The following MLLT3 variants were observed in gnomAD, a reference collection of about 807,000 sequenced individuals.
MLLT3 encodes the protein MLLT3 super elongation complex subunit.
Under a neutral mutation model 53.2 loss-of-function variants are expected in MLLT3, and 4 were observed. The ratio of observed to expected loss-of-function variants is 0.08; its 90% CI spans 0.04 to 0.17. The LOEUF (loss-of-function observed/expected upper bound fraction) is 0.17. MLLT3 is among the 10% of genes least tolerant of loss of function. The probability of loss-of-function intolerance (pLI) is 1.00; values close to 1 mark genes in which losing one functional copy is unlikely to be tolerated. For missense variants in MLLT3, 569 were observed against 684.0 expected, an observed-to-expected ratio of 0.83 and a Z score of 1.87; for synonymous variants, 283 against 230.6, an observed-to-expected ratio of 1.23 and a Z score of -2.06.
Position 20,342,771 on chromosome 9 carries a change from T to C in MLLT3, c.*3672A>G, listed in dbSNP as rs997853214. 1 of 191,192 alleles carries C rather than the reference T, an allele frequency of 5.2e-6. No homozygotes were observed. The allele number at this position is 191,192 out of a possible 1,614,324, so 11.8% of individuals were successfully genotyped here. A position where few individuals can be genotyped will look rare whatever the true frequency, so the allele number is the denominator to read the frequency against. On this transcript the variant is annotated 3_prime_UTR_variant, in exon 11 of 11. Transcript: ENST00000380338. ...CATTCACTGCAGCTGTAGTAGTCTC[T>C]ACATCATATTCATAGTTTTAGAGCA...
chr9:20,464,526 C>T (rs1824188379), intron 2 of MLLT3, among the ~76,000 whole-genome samples: 1 of 151,962 alleles, frequency 6.6e-6, no homozygotes, highest in African/African-American at 2.4e-5. Context: ...ACAAGTGCTA[C>T]ATAAAAATAA....
chr9:20,433,143 G>A (rs1011519685), intron 4 of MLLT3, among the ~76,000 whole-genome samples: 1 of 151,992 alleles, frequency 6.6e-6, no homozygotes, highest in African/African-American at 2.4e-5. Flanking sequence ...AGAGACACCC[G>A]TACAGGGGCT....
At chr9:20,498,619 T>C (rs938537133) in intron 2 of MLLT3, among the ~76,000 whole-genome samples, 5 of 152,156 alleles carry the variant, frequency 3.3e-5, no homozygotes, top group Non-Finnish European at 7.4e-5. Context: ...TAAAACATTA[T>C]GAGATTTTTT....
chr9:20,596,925 G>A (rs1240910776), intron 2 of MLLT3, among the ~76,000 whole-genome samples: 1 of 151,934 alleles, frequency 6.6e-6, no homozygotes, highest in African/African-American at 2.4e-5. Context: ...CCATGAACAT[G>A]GAATATTTTT....
intron 4 of MLLT3, among the ~76,000 whole-genome samples, chr9:20,447,829 A>C (rs1823742079): frequency 6.6e-6 from 1 of 152,154 alleles, no homozygotes; most frequent in African/African-American, 2.4e-5. Context: ...TTCTTAAATG[A>C]GAGTTTATTG....
At chr9:20,546,165 C>T (rs1023412719) in intron 2 of MLLT3, among the ~76,000 whole-genome samples, 7 of 152,074 alleles carry the variant, frequency 4.6e-5, no homozygotes, top group East Asian at 1.9e-4. Context: ...CACACAGGAA[C>T]GTAGGAGTTT....
chr9:20,448,579 T>C lies in MLLT3; in HGVS notation c.277-313A>G, dbSNP rs1264713240. 6.6e-6 allele frequency among the ~76,000 whole-genome samples: 1 copy of C among 152,090 alleles called. No individual in the cohort carries two copies. The highest frequency in any genetic ancestry group is 2.4e-5 in the African/African-American group (1 of 41,440). ...TAGAAACCAAGCACATTCCTTCCTC[T>C]TCCCCACCCCAGTACACTCACCATC... On this transcript the variant is annotated intron_variant, in intron 3 of 10. Transcript: ENST00000380338. This position sits in a 1 kb window ranked among gnomAD's most constrained non-coding sequence, Gnocchi z 4.0.
rs564721368 is a variant in MLLT3 at position 20,597,681 on chromosome 9, G to A, written c.193+22973C>T. Among the ~76,000 whole-genome samples the A allele has an allele frequency of 5.9e-5, 9 of 152,182 alleles. No individual in the cohort carries two copies. The East Asian group carries it at 7.7e-4, about 13-fold the overall frequency. On this transcript the variant is annotated intron_variant, in intron 2 of 10. Transcript: ENST00000380338. ...ACCAATAAGATAAGAAAGTTTTAGC[G>A]TCTTGTAATTACTAGCTTTGTTTTT...
At chr9:20,370,212 T>G (rs1166918189) in intron 5 of MLLT3, among the ~76,000 whole-genome samples, 1 of 152,218 alleles carries the variant, frequency 6.6e-6, no homozygotes, top group Admixed American at 6.5e-5. Context: ...GCATCACATA[T>G]TGGAAATCCT....
intron 2 of MLLT3, among the ~76,000 whole-genome samples, chr9:20,517,069 A>C (rs1216269119): frequency 6.6e-6 from 1 of 152,170 alleles, no homozygotes; most frequent in Non-Finnish European, 1.5e-5. Flanking sequence ...TTCAATAAGC[A>C]TTGATTTACT....
intron 2 of MLLT3, among the ~76,000 whole-genome samples, chr9:20,534,819 G>A (rs931942834): frequency 1.3e-5 from 2 of 152,160 alleles, no homozygotes; most frequent in Admixed American, 1.3e-4. Flanking sequence ...CCAGGAGGCA[G>A]AGCTTGCAGT....
At chr9:20,536,314 G>C (rs1370222059) in intron 2 of MLLT3, among the ~76,000 whole-genome samples, 2 of 152,166 alleles carry the variant, frequency 1.3e-5, no homozygotes, top group Non-Finnish European at 2.9e-5. Flanking sequence ...GCTCATGCTT[G>C]TCCTTGGGAG....
At chr9:20,529,069 A>G (rs770471370) in intron 2 of MLLT3, among the ~76,000 whole-genome samples, 14 of 152,120 alleles carry the variant, frequency 9.2e-5, no homozygotes, top group African/African-American at 1.4e-4. Flanking sequence ...AGGGTTATCA[A>G]CTCTGACTGA....
intron 2 of MLLT3, among the ~76,000 whole-genome samples, chr9:20,560,631 T>C (rs971571903): frequency 4.6e-5 from 7 of 152,114 alleles, no homozygotes; most frequent in South Asian, 2.1e-4. Context: ...AGAAGCTGGG[T>C]GTGAAGGTCC....
At chr9:20,568,956 G>C (rs1004315420) in intron 2 of MLLT3, among the ~76,000 whole-genome samples, 2 of 151,912 alleles carry the variant, frequency 1.3e-5, no homozygotes, top group Admixed American at 6.6e-5. Flanking sequence ...AGATGTCTCA[G>C]AGAAAAAAAA....
At chr9:20,506,807 A>G (rs1825393286) in intron 2 of MLLT3, among the ~76,000 whole-genome samples, 1 of 152,242 alleles carries the variant, frequency 6.6e-6, no homozygotes, top group Non-Finnish European at 1.5e-5. Flanking sequence ...TAGTCAGCAT[A>G]TGGCAAGCAT....
intron 2 of MLLT3, among the ~76,000 whole-genome samples, chr9:20,480,457 G>A (rs1001904312): frequency 6.6e-6 from 1 of 152,184 alleles, no homozygotes; most frequent in South Asian, 2.1e-4. Flanking sequence ...GAGCTTGGAT[G>A]AGCAAAGACA....
intron 2 of MLLT3, among the ~76,000 whole-genome samples, chr9:20,546,681 C>G (rs533988820): frequency 3.2e-4 from 49 of 152,312 alleles, no homozygotes; most frequent in African/African-American, 1.1e-3. Context: ...GAGTTCCAAG[C>G]TAAGGAATCC....
At chr9:20,362,790 A>T (rs1353082697) in intron 7 of MLLT3, 1 of 144,430 alleles carries the variant, frequency 6.9e-6, no homozygotes, top group Non-Finnish European at 1.5e-5. Flanking sequence ...AATATATTAT[A>T]AATGTAATTG....
Sources: gnomAD v4.1 joint callset for allele counts (sites outside exome capture counted in the v4.1 genomes callset) on GRCh38, gnomAD v4.1.1 for gene constraint, Gnocchi (gnomAD v3.1) non-coding constraint, MANE v1.5 for transcripts, NCBI Gene and HGNC (gene_info 2026-07-23, HGNC 2026-07-21) for gene names.